The following PIGG variants were observed in gnomAD, a reference collection of about 807,000 sequenced individuals.
PIGG encodes the protein phosphatidylinositol glycan anchor biosynthesis class G (EMM blood group).
Under a neutral mutation model 83.2 loss-of-function variants are expected in PIGG, and 70 were observed. That is an observed-to-expected ratio of 0.84 (90% CI 0.69 to 1.03). The LOEUF (loss-of-function observed/expected upper bound fraction) is 1.03. PIGG is among the 50% of genes least tolerant of loss of function. The pLI, the probability that PIGG is intolerant of heterozygous loss-of-function variation, is 0.00. For missense variants in PIGG, 1,257 were observed against 1,233.6 expected (o/e 1.02, Z -0.28); for synonymous variants, 532 against 519.5 (o/e 1.02, Z -0.33).
Position 512,001 on chromosome 4 carries a change from T to C in PIGG, c.901+3031T>C, listed in dbSNP as rs374111995. On this transcript the variant is annotated intron_variant, in intron 5 of 12. Transcript: ENST00000453061. ...CCATTTCTTTGTCTTTTACCATTTT[T>C]GCTATAATGTATCTGTATTTTATGT... Among the ~76,000 whole-genome samples, 66 of 152,298 alleles carry C rather than the reference T, an allele frequency of 4.3e-4. 1 individual carries two copies. The South Asian group carries it at 0.013, about 31-fold the overall frequency.
At position 516,215 on chromosome 4, in the gene PIGG, C is replaced by G. The variant is rs755701372; in HGVS notation, c.1114+30C>G. ...GTCAACTCACCGTTTCGAGCTCTGT[C>G]AGAGCTGTGTGTTTCCACTGAGCTC... On this transcript the variant is annotated intron_variant, in intron 6 of 12. Coordinates refer to ENST00000453061, the MANE Select transcript of PIGG (RefSeq NM_001127178.3). The G allele has an allele frequency of 5.4e-6, 8 of 1,486,752 alleles. 1 individual carries two copies. In the South Asian group the frequency reaches 9.0e-5, roughly 17 times the overall value. 92.1% of individuals were successfully genotyped at this position (1,486,752 alleles called of 1,614,324 possible). A position where few individuals can be genotyped will look rare whatever the true frequency, so the allele number is the denominator to read the frequency against.
intron 5 of PIGG, among the ~76,000 whole-genome samples, chr4:513,075 AG>A (rs1289160702): frequency 6.6e-6 from 1 of 152,148 alleles, no homozygotes; most frequent in Non-Finnish European, 1.5e-5. Flanking sequence ...CCACGGTTCA[AG>A]GGCTGCAGAC....
At position 505,757 on chromosome 4, in the gene PIGG, A is replaced by C; in HGVS notation, c.400A>C (p.Ile134Leu). 1 of 1,613,614 alleles carries C rather than the reference A, an allele frequency of 6.2e-7. No homozygotes were observed. The highest frequency in any genetic ancestry group is 8.5e-7 in the Non-Finnish European group (1 of 1,179,956). ...TGSLPGFVDV[I>L]RNLNSPALLE... is the part of the protein sequence containing the mutation. ...GAGCCTTCCTGGCTTTGTCGACGTC[A>C]TCAGGAACCTCAATTCTCCTGCACT... Residue 134 changes from isoleucine (I) to leucine (L), a missense_variant, in exon 3 of 13, where the codon ATC (isoleucine) becomes CTC (leucine). Physicochemically the swap from Ile to Leu is conservative, Grantham distance 5. Coordinates refer to ENST00000453061, the MANE Select transcript of PIGG (RefSeq NM_001127178.3).
Position 523,781 on chromosome 4 carries a change from T to C in PIGG, c.1937T>C (p.Leu646Pro). 1.2e-6 allele frequency: 2 copies of C among 1,613,844 alleles called. No homozygotes were observed. Among genetic ancestry groups the C allele is most frequent in the South Asian group, 1.1e-5 (1 of 91,088 alleles). ...GGAAGCCCCTCTACCTCCGAAGTGC[T>C]CAGAGGCCGCGAGAAGTGGATGGTG... ...GHGSPSTSEV[L>P]RGREKWMVLA... is the part of the protein sequence containing the mutation. The change falls in exon 9 of 13, where the codon CTC (leucine) becomes CCC (proline). Residue 646 changes from leucine to proline, a missense_variant. Leu to Pro is a moderately conservative substitution (Grantham distance 98, BLOSUM62 -3). Coordinates refer to ENST00000453061, the MANE Select transcript of PIGG (RefSeq NM_001127178.3).
intron 12 of PIGG, among the ~76,000 whole-genome samples, chr4:535,644 C>G (rs543555056): frequency 6.6e-6 from 1 of 152,138 alleles, no homozygotes; most frequent in Non-Finnish European, 1.5e-5. Context: ...ATGACTGAAC[C>G]GTCGCTCTCG....
At chr4:504,049 A>G (rs1718726215) in intron 2 of PIGG, among the ~76,000 whole-genome samples, 1 of 152,162 alleles carries the variant, frequency 6.6e-6, no homozygotes, top group South Asian at 2.1e-4. Flanking sequence ...TATCCAGGCA[A>G]ACCCCACCTC....
In PIGG at chr4:505,792, CAG is replaced by C; in HGVS notation, c.436_437del (p.Ser146CysfsTer18). 1 of 1,613,454 alleles carries C rather than the reference CAG, an allele frequency of 6.2e-7. No homozygotes were observed. Among genetic ancestry groups the C allele is most frequent in the Non-Finnish European group, 8.5e-7 (1 of 1,179,836 alleles). On this transcript the variant is annotated frameshift_variant, in exon 3 of 13. Transcript: ENST00000453061. LOFTEE classifies it high-confidence loss of function. ...TCAATTCTCCTGCACTGCTGGAAGA[CAG>C]TGTGATAAGACAAGCAAAAGCAGCT... Reference protein sequence around the residue: ...NLNSPALLEDSVIRQAKAAGK... With the variant: ...NLNSPALLEDXVIRQAKAAGK...
chr4:532,837 A>T (rs970064201), intron 11 of PIGG: 1 of 152,610 alleles, frequency 6.6e-6, no homozygotes, highest in African/African-American at 2.4e-5. Context: ...ATGACAGGCA[A>T]GTGACAGACA....
At chr4:502,731 C>A (rs1323841614) in intron 2 of PIGG, among the ~76,000 whole-genome samples, 1 of 152,036 alleles carries the variant, frequency 6.6e-6, no homozygotes, top group Non-Finnish European at 1.5e-5. Context: ...AGTCCCTACC[C>A]TCTTTAAAAA....
chr4:533,984 G>C lies in PIGG; in HGVS notation c.2735+3G>C. ...TTCCTGAGCTCAGAAACACGCAGGT[G>C]AGGCGCCTCTCTGCCGTCAGCACAG... On this transcript the variant is annotated splice_donor_region_variant and intron_variant, in intron 12 of 12. Transcript: ENST00000453061. 1.2e-6 allele frequency: 2 copies of C among 1,613,688 alleles called. No individual in the cohort carries two copies. Among genetic ancestry groups the C allele is most frequent in the Non-Finnish European group, 1.7e-6 (2 of 1,179,592 alleles).
intron 11 of PIGG, chr4:533,362 G>A (rs190518509): frequency 5.6e-4 from 94 of 168,592 alleles, no homozygotes; most frequent in African/African-American, 1.8e-3. Context: ...CTGGGTGCCC[G>A]TTCTAGTCTT....
chr4:538,137 C>T (rs77519428), intron 12 of PIGG, among the ~76,000 whole-genome samples: 3,061 of 151,102 alleles, frequency 0.02, 150 homozygotes, highest in African/African-American at 0.071. Context: ...GACACACACA[C>T]GTGCCGACAG....
chr4:505,649 A>AAC, intron 2 of PIGG, 69 bp from the exon 3 acceptor site: 1 of 1,104,412 alleles, frequency 9.1e-7, no homozygotes, highest in Non-Finnish European at 1.3e-6. Flanking sequence ...AAAAAAAAAA[A>AAC]TCTTCAGTGC....
chr4:522,259 G>C, intron 8 of PIGG: 1 of 572,204 alleles, frequency 1.7e-6, no homozygotes, highest in East Asian at 2.9e-5. Flanking sequence ...CCCCGCTGAG[G>C]GGGTGTGTGA....
Position 533,988 on chromosome 4 carries a change from C to A in PIGG, c.2735+7C>A. ...TGAGCTCAGAAACACGCAGGTGAGG[C>A]GCCTCTCTGCCGTCAGCACAGTTCT... On this transcript the variant is annotated splice_region_variant and intron_variant, in intron 12 of 12. Transcript: ENST00000453061. 1 of 1,613,216 alleles carries A rather than the reference C, an allele frequency of 6.2e-7. No individual in the cohort carries two copies. The highest frequency in any genetic ancestry group is 8.5e-7 in the Non-Finnish European group (1 of 1,179,218).
intron 8 of PIGG, among the ~76,000 whole-genome samples, chr4:523,204 G>C (rs1010528043): frequency 2.6e-5 from 4 of 152,212 alleles, no homozygotes; most frequent in Non-Finnish European, 4.4e-5. Flanking sequence ...TGTGAGAACA[G>C]CTGGCTGGCC....
chr4:527,819 G>A (rs1407099215), intron 10 of PIGG: 2 of 985,110 alleles, frequency 2.0e-6, no homozygotes, highest in Admixed American at 1.2e-4. Flanking sequence ...TTGTGTTGTG[G>A]TGGTGAACAC....
chr4:514,622 AAAG>A (rs1347586462), intron 5 of PIGG, among the ~76,000 whole-genome samples: 1 of 152,204 alleles, frequency 6.6e-6, no homozygotes, highest in Non-Finnish European at 1.5e-5. Context: ...TTCTAGACAG[AAAG>A]AAGAAATTGT....
rs538011320 is a variant in PIGG at position 517,556 on chromosome 4, G to A, written c.1114+1371G>A. On this transcript the variant is annotated intron_variant, in intron 6 of 12. Transcript: ENST00000453061. ...GAAGTAATTTCAGGAAGCATGGAGT[G>A]GGCAGCTGCGTCAAAGGTTGGTATT... Among the ~76,000 whole-genome samples, 8 of 152,266 alleles carry A rather than the reference G, an allele frequency of 5.3e-5. No individual in the cohort carries two copies. The East Asian group carries it at 1.5e-3, about 29-fold the overall frequency.
Sources: allele counts gnomAD v4.1 joint callset (sites outside exome capture counted in the v4.1 genomes callset), GRCh38; gene constraint gnomAD v4.1.1; transcripts MANE v1.5; gene names NCBI Gene and HGNC (gene_info 2026-07-23, HGNC 2026-07-21).